Variants in LCMT1 observed in about 807,000 individuals in gnomAD.
LCMT1 encodes the protein leucine carboxyl methyltransferase 1, also known as [Phosphatase 2A protein]-leucine-carboxy methyltransferase 1.
In LCMT1, 32 loss-of-function variants were observed where a neutral mutation model predicts 47.7. The ratio of observed to expected loss-of-function variants is 0.67; its 90% confidence interval spans 0.51 to 0.90. The LOEUF is 0.90. Ranked by LOEUF, LCMT1 falls within the 40% of genes least tolerant of loss-of-function variation. The probability of loss-of-function intolerance (pLI) is 0.00; values close to 1 mark genes in which losing one functional copy is unlikely to be tolerated. For missense variants in LCMT1, 375 were observed against 415.2 expected (o/e 0.90, Z 0.84); for synonymous variants, 152 against 149.7 (o/e 1.02, Z -0.11).
chr16:25,145,777 G>A (rs143482655), intron 4 of LCMT1: 1 of 152,414 alleles, frequency 6.6e-6, no homozygotes, highest in Non-Finnish European at 1.5e-5. Context: ...TAGGAGGTAT[G>A]ATTTCCTCCA....
chr16:25,116,866 G>A (rs1959804895), intron 1 of LCMT1, among the ~76,000 whole-genome samples: 1 of 151,988 alleles, frequency 6.6e-6, no homozygotes. Context: ...ACTGCAGCCT[G>A]AGTGACAAAA....
rs1412654238 is a variant in LCMT1, at chr16:25,169,160, AG to A, written c.740del (p.Arg247AsnfsTer15). ...FGQIMIENLR[R>X]RQCDLAGVET... ...GCAGATCATGATTGAAAACCTGCGG[AG>A]ACGCCAGTGTGACCTGGCGGGAGTG... On this transcript the variant is annotated frameshift_variant, in exon 8 of 11. Coordinates refer to ENST00000399069, the MANE Select transcript of LCMT1 (RefSeq NM_016309.3). LOFTEE classifies it high-confidence loss of function. The A allele has an allele frequency of 6.2e-7, 1 of 1,613,706 alleles. No homozygotes were observed. The highest frequency in any genetic ancestry group is 1.7e-5 in the Admixed American group (1 of 60,020).
chr16:25,136,471 CTTT>C (rs796407666), intron 3 of LCMT1, among the ~76,000 whole-genome samples: 1 of 144,700 alleles, frequency 6.9e-6, no homozygotes. Flanking sequence ...AACAGGATAT[CTTT>C]TTTTTTTTTT....
chr16:25,154,711 A>G (rs1961198886), intron 5 of LCMT1, among the ~76,000 whole-genome samples: 1 of 151,650 alleles, frequency 6.6e-6, no homozygotes, highest in African/African-American at 2.4e-5. Flanking sequence ...GATGGTCTCG[A>G]TCTCCTGACC....
At position 25,128,577 on chromosome 16, in the gene LCMT1, AT is replaced by A; in HGVS notation, c.205+12del. ...CTGAAATCAACAGAGGCAAGTGACC[AT>A]CTCCCTCCCCAACAGCACCTCATCA... On this transcript the variant is annotated intron_variant, in intron 2 of 10. Coordinates refer to ENST00000399069, the MANE Select transcript of LCMT1 (RefSeq NM_016309.3). 4 of 1,579,534 alleles carry A rather than the reference AT, an allele frequency of 2.5e-6. No homozygotes were observed. The highest frequency in any genetic ancestry group is 3.5e-6 in the Non-Finnish European group (4 of 1,159,074).
At chr16:25,171,728 T>C (rs1433512815) in intron 9 of LCMT1, among the ~76,000 whole-genome samples, 1 of 152,226 alleles carries the variant, frequency 6.6e-6, no homozygotes. Flanking sequence ...AAAGGAAATC[T>C]ATGCTTCTTG....
At chr16:25,126,515 C>T (rs1028441413) in intron 1 of LCMT1, among the ~76,000 whole-genome samples, 8 of 141,490 alleles carry the variant, frequency 5.7e-5, no homozygotes, top group Non-Finnish European at 6.3e-5. Context: ...TTCCTCTCTA[C>T]GAGTCACTGC....
chr16:25,151,718 T>TGTGTGTGTGTGTGG (rs1161359266), intron 5 of LCMT1, 103 bp downstream of exon 5: 1 of 783,564 alleles, frequency 1.3e-6, no homozygotes, highest in Non-Finnish European at 2.1e-6. Context: ...TGTGTGTGTG[T>TGTGTGTGTGTGTGG]GTGTGGTGTT....
intron 3 of LCMT1, among the ~76,000 whole-genome samples, chr16:25,138,437 A>T (rs982252178): frequency 6.6e-6 from 1 of 151,796 alleles, no homozygotes; most frequent in African/African-American, 2.4e-5. Context: ...CACTAGGATG[A>T]TAGGATGATG....
At position 25,111,825 on chromosome 16, in the gene LCMT1, G is replaced by C; in HGVS notation, c.-59G>C. ...CCTGTGGCTCGCGCCGTCCCCCGCC[G>C]CCCGTCGACCCCGCTTCCATGTCCC... On this transcript the variant is annotated 5_prime_UTR_variant, in exon 1 of 11. Coordinates refer to ENST00000399069, the MANE Select transcript of LCMT1 (RefSeq NM_016309.3). The C allele has an allele frequency of 8.5e-7, 1 of 1,180,830 alleles. No homozygotes were observed. The highest frequency in any genetic ancestry group is 1.2e-6 in the Non-Finnish European group (1 of 811,072). The allele number at this position is 1,180,830 out of a possible 1,614,324, so 73.1% of individuals were successfully genotyped here.
At chr16:25,140,003 C>T (rs1166491244) in intron 3 of LCMT1, 168 bp from the exon 4 acceptor site, 1 of 596,346 alleles carries the variant, frequency 1.7e-6, no homozygotes, top group African/African-American at 1.9e-5. Context: ...TGCTTGCTTC[C>T]CTCAAATCTA....
At chr16:25,157,533 G>A (rs1000361347) in intron 5 of LCMT1, among the ~76,000 whole-genome samples, 3 of 151,986 alleles carry the variant, frequency 2.0e-5, no homozygotes, top group Middle Eastern at 3.4e-3. Flanking sequence ...ACAATGCAAC[G>A]CTGTCTCAAA....
At chr16:25,163,319 T>C (rs1174637353) in intron 6 of LCMT1, among the ~76,000 whole-genome samples, 2 of 151,894 alleles carry the variant, frequency 1.3e-5, no homozygotes, top group African/African-American at 4.8e-5. Context: ...ATACAAAAAT[T>C]AGGTGGGTCC....
intron 9 of LCMT1, among the ~76,000 whole-genome samples, chr16:25,173,727 T>C (rs1396304155): frequency 6.6e-6 from 1 of 151,272 alleles, no homozygotes; most frequent in Non-Finnish European, 1.5e-5. Flanking sequence ...TTTTTTTTGA[T>C]AGAGATGGAG....
Position 25,120,172 on chromosome 16 carries a change from A to T in LCMT1, c.113+8176A>T, listed in dbSNP as rs570558282. The stretch of plus-strand genomic sequence containing the variant: ...GAGACTCTGTCTGAAAAAAATATTT[A>T]AAAAAACCCCAAAAAACCTTGTCCA... On this transcript the variant is annotated intron_variant, in intron 1 of 10. Transcript: ENST00000399069. Among the ~76,000 whole-genome samples, 175 of 151,722 alleles carry T rather than the reference A, an allele frequency of 1.2e-3. No homozygotes were observed. The South Asian group carries it at 0.025, about 22-fold the overall frequency.
At chr16:25,172,745 C>T (rs530655807) in intron 9 of LCMT1, among the ~76,000 whole-genome samples, 8 of 152,360 alleles carry the variant, frequency 5.3e-5, no homozygotes, top group South Asian at 2.1e-4. Context: ...GCTGTCTCCA[C>T]GTGATCAGGT....
intron 4 of LCMT1, among the ~76,000 whole-genome samples, chr16:25,151,216 A>G (rs968535281): frequency 6.6e-6 from 1 of 152,236 alleles, no homozygotes. Context: ...ATGGCCCAAA[A>G]AAACATTGGA....
At chr16:25,174,880 A>G (rs188409247) in intron 9 of LCMT1, 57 bp from the exon 10 acceptor site, 93 of 865,280 alleles carry the variant, frequency 1.1e-4, no homozygotes, top group Non-Finnish European at 8.1e-5. Flanking sequence ...GCTATGGGCC[A>G]TGATCTTCAT....
chr16:25,149,890 G>A (rs1175710220), intron 4 of LCMT1, among the ~76,000 whole-genome samples: 1 of 142,616 alleles, frequency 7.0e-6, no homozygotes, highest in East Asian at 2.1e-4. Flanking sequence ...TCCAGCCTGG[G>A]TGACAGAGCA....
Sources: allele counts gnomAD v4.1 joint callset (sites outside exome capture counted in the v4.1 genomes callset), GRCh38; gene constraint gnomAD v4.1.1; transcripts MANE v1.5; gene names NCBI Gene and HGNC (gene_info 2026-07-23, HGNC 2026-07-21).